The following IGF2BP2 variants were observed in gnomAD, a reference collection of about 807,000 sequenced individuals.
IGF2BP2 encodes the protein insulin like growth factor 2 mRNA binding protein 2.
IGF2BP2 carries 17 observed loss-of-function variants against 75.8 expected under a neutral mutation model. The observed-to-expected ratio is 0.22, with a 90% CI of 0.15 to 0.34. IGF2BP2 has a LOEUF of 0.34. Ranked by LOEUF, IGF2BP2 falls within the 10% of genes least tolerant of loss-of-function variation. IGF2BP2 has a pLI of 1.00. For missense variants in IGF2BP2, 516 were observed against 772.4 expected (o/e 0.67, Z 3.93); for synonymous variants, 288 against 295.6 (o/e 0.97, Z 0.26).
chr3:185,791,274 C>T (rs1736609592), intron 2 of IGF2BP2, among the ~76,000 whole-genome samples: 1 of 152,230 alleles, frequency 6.6e-6, no homozygotes, highest in Non-Finnish European at 1.5e-5. Flanking sequence ...GTATGTCCTA[C>T]TTCCAGCTCT....
intron 10 of IGF2BP2, among the ~76,000 whole-genome samples, chr3:185,663,798 A>T (rs912165848): frequency 5.3e-5 from 8 of 152,200 alleles, no homozygotes; most frequent in Admixed American, 3.9e-4. Context: ...GATGTATTAC[A>T]ATGATTGATT....
At chr3:185,701,428 A>G (rs902695047) in intron 2 of IGF2BP2, among the ~76,000 whole-genome samples, 1 of 151,804 alleles carries the variant, frequency 6.6e-6, no homozygotes, top group East Asian at 1.9e-4. Context: ...CATTTTCTCC[A>G]TAATTACACT....
chr3:185,653,716 T>A (rs747742597), intron 12 of IGF2BP2, among the ~76,000 whole-genome samples: 2 of 152,138 alleles, frequency 1.3e-5, no homozygotes, highest in Non-Finnish European at 2.9e-5. Flanking sequence ...CCTACACACC[T>A]GCCCCAGGTT....
At chr3:185,663,595 G>A (rs1473586149) in intron 10 of IGF2BP2, among the ~76,000 whole-genome samples, 1 of 152,120 alleles carries the variant, frequency 6.6e-6, no homozygotes, top group Non-Finnish European at 1.5e-5. Context: ...CACAATTTAG[G>A]TGATATTCTG....
intron 2 of IGF2BP2, among the ~76,000 whole-genome samples, chr3:185,710,792 AGAG>A (rs1312825743): frequency 2.0e-5 from 3 of 152,030 alleles, no homozygotes; most frequent in Non-Finnish European, 2.9e-5. Flanking sequence ...CTTGCTCCAG[AGAG>A]GAGGAGGAAA....
At chr3:185,797,143 T>C (rs7646518) in intron 2 of IGF2BP2, among the ~76,000 whole-genome samples, 59,182 of 152,064 alleles carry the variant, frequency 0.39, 12,454 homozygotes, top group African/African-American at 0.57. Flanking sequence ...CAGAATTCTC[T>C]ATGTTCACTT....
At chr3:185,746,700 A>G (rs13076013) in intron 2 of IGF2BP2, among the ~76,000 whole-genome samples, 23,319 of 152,258 alleles carry the variant, frequency 0.15, 1,943 homozygotes, top group Middle Eastern at 0.21. Flanking sequence ...CATATATCAT[A>G]TTATGCAACC....
At chr3:185,665,389 A>AAGGAGGAGGAGG (rs1717726945) in intron 10 of IGF2BP2, among the ~76,000 whole-genome samples, 3 of 56,746 alleles carry the variant, frequency 5.3e-5, no homozygotes, top group East Asian at 1.3e-3. Context: ...GGAGGAGGAG[A>AAGGAGGAGGAGG]AGGAGGAGGA....
At chr3:185,673,615 C>T (rs1718860927) in intron 9 of IGF2BP2, among the ~76,000 whole-genome samples, 1 of 152,200 alleles carries the variant, frequency 6.6e-6, no homozygotes, top group Admixed American at 6.5e-5. Context: ...AGGCTGTGTC[C>T]AACCTGCTTC....
At chr3:185,807,252 G>A (rs988529053) in intron 2 of IGF2BP2, among the ~76,000 whole-genome samples, 1 of 152,122 alleles carries the variant, frequency 6.6e-6, no homozygotes, top group Admixed American at 6.6e-5. Flanking sequence ...CTCTTCAGGG[G>A]AAAGAAAGGT....
chr3:185,675,491 AAAT>A lies in IGF2BP2; in HGVS notation c.936-63_936-61del. ...CAACGGGAAAAATAAAATGCCCAAA[AAAT>A]AAAAAAATCACAAACAAGTTTTGGC... On this transcript the variant is annotated intron_variant, in intron 8 of 15. Coordinates refer to ENST00000382199, the MANE Select transcript of IGF2BP2 (RefSeq NM_006548.6). The A allele has an allele frequency of 7.6e-6, 12 of 1,577,552 alleles. No individual in the cohort carries two copies. The South Asian group carries it at 1.4e-4, about 18-fold the overall frequency.
chr3:185,752,699 C>G (rs1222291191), intron 2 of IGF2BP2, among the ~76,000 whole-genome samples: 1 of 152,124 alleles, frequency 6.6e-6, no homozygotes. Context: ...AAGCGATTCT[C>G]CTGTCTCAGC....
chr3:185,711,701 C>A (rs1196687738), intron 2 of IGF2BP2, among the ~76,000 whole-genome samples: 1 of 152,222 alleles, frequency 6.6e-6, no homozygotes, highest in African/African-American at 2.4e-5. Flanking sequence ...AATTCCTTTT[C>A]CTACCTCTTT....
At chr3:185,696,688 G>C in intron 3 of IGF2BP2, 25 bp from the exon 4 acceptor site, 1 of 1,600,206 alleles carries the variant, frequency 6.2e-7, no homozygotes. Flanking sequence ...TTCCATGTCA[G>C]AATGGGAAGG....
intron 2 of IGF2BP2, among the ~76,000 whole-genome samples, chr3:185,701,360 T>A (rs1578020567): frequency 1.6e-5 from 2 of 124,576 alleles, no homozygotes; most frequent in Non-Finnish European, 1.7e-5. Context: ...TACTGGAACC[T>A]GCTAAGTAAA....
intron 2 of IGF2BP2, among the ~76,000 whole-genome samples, chr3:185,720,663 C>T (rs1340216117): frequency 6.6e-6 from 1 of 152,206 alleles, no homozygotes; most frequent in Non-Finnish European, 1.5e-5. Flanking sequence ...AGGCATGCTG[C>T]TGAACCCACT....
At chr3:185,730,309 T>C (rs1489353283) in intron 2 of IGF2BP2, among the ~76,000 whole-genome samples, 1 of 152,200 alleles carries the variant, frequency 6.6e-6, no homozygotes, top group Admixed American at 6.5e-5. Flanking sequence ...CTGCATAGTA[T>C]TCCGTGGTAT....
intron 2 of IGF2BP2, among the ~76,000 whole-genome samples, chr3:185,788,475 C>T (rs980916103): frequency 6.6e-6 from 1 of 152,150 alleles, no homozygotes; most frequent in Non-Finnish European, 1.5e-5. Flanking sequence ...TGCGCCACTG[C>T]ACTCTCAGCC....
intron 2 of IGF2BP2, among the ~76,000 whole-genome samples, chr3:185,705,838 T>G (rs2149392492): frequency 6.6e-6 from 1 of 152,332 alleles, no homozygotes; most frequent in South Asian, 2.1e-4. Context: ...GGGTTCCACC[T>G]TATGATCTAA....
Sources: gnomAD v4.1 joint callset for allele counts (sites outside exome capture counted in the v4.1 genomes callset) on GRCh38, gnomAD v4.1.1 for gene constraint, MANE v1.5 for transcripts, NCBI Gene and HGNC (gene_info 2026-07-23, HGNC 2026-07-21) for gene names.